SMAD5: variants seen among roughly 807,000 people sequenced by gnomAD.
The protein encoded by SMAD5 is MAD, mothers against decapentaplegic homolog 5.
A neutral mutation model predicts 43.1 loss-of-function variants in SMAD5; 9 were observed. That is an observed-to-expected ratio of 0.21 (90% CI 0.13 to 0.36). SMAD5 has a LOEUF of 0.36. Among genes scored for constraint, SMAD5 ranks in the 10% least tolerant of loss-of-function variants. The probability of loss-of-function intolerance (pLI) is 1.00; values close to 1 mark genes in which losing one functional copy is unlikely to be tolerated. For missense variants in SMAD5, 348 were observed against 574.0 expected, an observed-to-expected ratio of 0.61 and a Z score of 4.02; for synonymous variants, 190 against 192.4, an observed-to-expected ratio of 0.99 and a Z score of 0.10.
At chr5:136,149,753 GT>G (rs1294797186) in intron 2 of SMAD5, among the ~76,000 whole-genome samples, 6 of 151,846 alleles carry the variant, frequency 4.0e-5, no homozygotes, top group African/African-American at 1.4e-4. Flanking sequence ...CACTTTACCA[GT>G]TTGGGAAGTA....
chr5:136,132,985 C>T (rs550710902), intron 1 of SMAD5, 23 bp downstream of exon 1: 1 of 152,448 alleles, frequency 6.6e-6, no homozygotes, highest in Non-Finnish European at 1.5e-5. Context: ...CCCCGGCGCG[C>T]GCGGGCGAGG....
chr5:136,132,871 G>GT lies in SMAD5; in HGVS notation c.-335dup, dbSNP rs1032032371. On this transcript the variant is annotated 5_prime_UTR_variant, in exon 1 of 8. Coordinates refer to ENST00000545279, the MANE Select transcript of SMAD5 (RefSeq NM_005903.7). ...TCCGGGTCCTGGGCGAGCGGGCGCCGTGCGCGTGTCCCGCGGCCGAGCTGC... is the reference window on the plus strand; with the variant it reads ...TCCGGGTCCTGGGCGAGCGGGCGCCGTTGCGCGTGTCCCGCGGCCGAGCTGC... The GT allele has an allele frequency of 2.0e-5, 3 of 152,308 alleles. No individual in the cohort carries two copies. The highest frequency in any genetic ancestry group is 7.2e-5 in the African/African-American group (3 of 41,468). The allele number at this position is 152,308 out of a possible 1,614,324, so 9.4% of individuals were successfully genotyped here. A position where few individuals can be genotyped will look rare whatever the true frequency, so the allele number is the denominator to read the frequency against.
chr5:136,170,244 A>T (rs1010360049), intron 5 of SMAD5, among the ~76,000 whole-genome samples: 2 of 152,090 alleles, frequency 1.3e-5, no homozygotes, highest in Non-Finnish European at 2.9e-5. Flanking sequence ...TCTGTAATCC[A>T]TCTTGGGTCA....
intron 3 of SMAD5, 101 bp from the exon 4 acceptor site, chr5:136,160,755 G>C (rs17169905): frequency 8.8e-7 from 1 of 1,139,352 alleles, no homozygotes; most frequent in Non-Finnish European, 1.3e-6. Flanking sequence ...TGTTTTAATA[G>C]GTTTACAGTC....
chr5:136,177,588 A>T lies in SMAD5; in HGVS notation c.*108A>T, dbSNP rs1403447945. On this transcript the variant is annotated 3_prime_UTR_variant, in exon 8 of 8. Coordinates refer to ENST00000545279, the MANE Select transcript of SMAD5 (RefSeq NM_005903.7). ...ACATTGAAAACAGATATTACAGCTT[A>T]TTTTTTTCTACATAATTGTGACCAA... 5.1e-6 allele frequency: 4 copies of T among 783,384 alleles called. No individual in the cohort carries two copies. The highest frequency in any genetic ancestry group is 2.7e-5 in the East Asian group (1 of 36,774). The allele number at this position is 783,384 out of a possible 1,614,324, so 48.5% of individuals were successfully genotyped here. A position where few individuals can be genotyped will look rare whatever the true frequency, so the allele number is the denominator to read the frequency against.
At chr5:136,156,899 C>G (rs1440122640) in intron 3 of SMAD5, among the ~76,000 whole-genome samples, 1 of 152,100 alleles carries the variant, frequency 6.6e-6, no homozygotes, top group Non-Finnish European at 1.5e-5. Context: ...CATGTTTCGC[C>G]CTGAGCCCAA....
At chr5:136,158,110 T>C (rs1753702189) in intron 3 of SMAD5, among the ~76,000 whole-genome samples, 1 of 152,110 alleles carries the variant, frequency 6.6e-6, no homozygotes, top group Non-Finnish European at 1.5e-5. Flanking sequence ...TAATATATTC[T>C]GGAAATAGAG....
intron 3 of SMAD5, among the ~76,000 whole-genome samples, chr5:136,159,126 CAATG>C: frequency 6.6e-6 from 1 of 152,006 alleles, no homozygotes; most frequent in Non-Finnish European, 1.5e-5. Context: ...CTTGATTCAG[CAATG>C]AATTACATGT....
rs1561653930 is a variant in SMAD5, at chr5:136,165,662, A to ATATTTTTTTTTT, written c.775+2272_775+2273insATTTTTTTTTTT. Among the ~76,000 whole-genome samples, 6 of 65,450 alleles carry ATATTTTTTTTTT rather than the reference A, an allele frequency of 9.2e-5. 1 individual carries two copies. The highest frequency in any genetic ancestry group is 6.4e-4 in the South Asian group (1 of 1,558). 42.9% of individuals were successfully genotyped at this position (65,450 alleles called of 152,430 possible). On this transcript the variant is annotated intron_variant, in intron 5 of 7. Transcript: ENST00000545279. ...TACTTCATATAAATGGAATCATACA[A>ATATTTTTTTTTT]TTTTTTTTTTTTTTTTTTTTTTTTT...
At chr5:136,155,646 T>C (rs559890635) in intron 3 of SMAD5, among the ~76,000 whole-genome samples, 3 of 152,230 alleles carry the variant, frequency 2.0e-5, no homozygotes, top group Non-Finnish European at 4.4e-5. Flanking sequence ...TACTCCTGTT[T>C]CCAGGCTTTA....
intron 7 of SMAD5, among the ~76,000 whole-genome samples, chr5:136,176,831 T>C (rs974545676): frequency 9.2e-5 from 14 of 152,250 alleles, no homozygotes; most frequent in African/African-American, 3.1e-4. Context: ...TAAGAGAAAA[T>C]GGTATTTATA....
intron 7 of SMAD5, among the ~76,000 whole-genome samples, chr5:136,176,457 CAAAA>C (rs60311104): frequency 0.02 from 1,361 of 68,422 alleles, 11 homozygotes; most frequent in African/African-American, 0.054. Context: ...CTCTGTCTCA[CAAAA>C]AAAAAAAAAA....
In SMAD5 at chr5:136,182,030, CA is replaced by C. The variant is rs1754643468; in HGVS notation, c.*4553del. ...GAAAAAGGTTTGTATGGTTCTTGTC[CA>C]AATAACTCAGTTCTTAAAATTCTTA... On this transcript the variant is annotated 3_prime_UTR_variant, in exon 8 of 8. Coordinates refer to ENST00000545279, the MANE Select transcript of SMAD5 (RefSeq NM_005903.7). 6.6e-6 allele frequency: 1 copy of C among 152,096 alleles called. No homozygotes were observed. Among genetic ancestry groups the C allele is most frequent in the Non-Finnish European group, 1.5e-5 (1 of 68,000 alleles). The allele number at this position is 152,096 out of a possible 1,614,324, so 9.4% of individuals were successfully genotyped here.
At position 136,138,195 on chromosome 5, in the gene SMAD5, C is replaced by T. The variant is rs1418487523; in HGVS notation, c.-245+5233C>T. Among the ~76,000 whole-genome samples the T allele has an allele frequency of 2.6e-5, 4 of 152,026 alleles. No homozygotes were observed. The East Asian group carries it at 7.7e-4, about 29-fold the overall frequency. On this transcript the variant is annotated intron_variant, in intron 1 of 7. Coordinates refer to ENST00000545279, the MANE Select transcript of SMAD5 (RefSeq NM_005903.7). ...TAAAGAGTGATTAAAAACTGGGAAA[C>T]AAAAGTCTGGCTGTGGGAGATAATA...
intron 2 of SMAD5, among the ~76,000 whole-genome samples, chr5:136,152,411 C>G (rs1293848185): frequency 1.3e-5 from 2 of 152,036 alleles, no homozygotes; most frequent in African/African-American, 2.4e-5. Context: ...TCTTTATTTA[C>G]TTTATGTTAT....
intron 5 of SMAD5, among the ~76,000 whole-genome samples, chr5:136,165,886 G>C (rs1357110792): frequency 6.6e-6 from 1 of 151,604 alleles, no homozygotes; most frequent in East Asian, 1.9e-4. Context: ...CTGTGGACAT[G>C]GGCGTACACA....
chr5:136,151,518 T>A (rs532917330), intron 2 of SMAD5, among the ~76,000 whole-genome samples: 16 of 152,000 alleles, frequency 1.1e-4, no homozygotes, highest in Middle Eastern at 3.2e-3. Context: ...AGAAGTTAAG[T>A]GTGGTTAAAT....
At chr5:136,172,398 T>C (rs753521331) in intron 5 of SMAD5, 36 bp from the exon 6 acceptor site, 5 of 1,198,528 alleles carry the variant, frequency 4.2e-6, no homozygotes, top group Admixed American at 4.2e-5. Context: ...GTTTCTGATA[T>C]GTATTAAACT....
chr5:136,168,382 A>G (rs1042695746), intron 5 of SMAD5, among the ~76,000 whole-genome samples: 1 of 140,386 alleles, frequency 7.1e-6, no homozygotes, highest in African/African-American at 2.9e-5. Flanking sequence ...CCCAAAGATA[A>G]TGTTCATTTA....
Sources: gnomAD v4.1 joint callset for allele counts (sites outside exome capture counted in the v4.1 genomes callset) on GRCh38, gnomAD v4.1.1 for gene constraint, MANE v1.5 for transcripts, NCBI Gene and HGNC (gene_info 2026-07-23, HGNC 2026-07-21) for gene names.